PTPRS: variants seen among roughly 807,000 people sequenced by gnomAD.
PTPRS encodes the protein receptor-type tyrosine-protein phosphatase S.
In PTPRS, 63 loss-of-function variants were observed where a neutral mutation model predicts 215.3. That is an observed-to-expected ratio of 0.29 (90% CI 0.24 to 0.36). PTPRS has a LOEUF of 0.36. Among genes scored for constraint, PTPRS ranks in the 10% least tolerant of loss-of-function variants. The pLI is 1.00. For missense variants in PTPRS, 2,258 were observed against 2,825.8 expected (o/e 0.80, Z 4.56); for synonymous variants, 1,404 against 1,191.4 (o/e 1.18, Z -3.68).
At chr19:5,229,436 A>AGGGCCCGTCCCCGCCCG (rs1424705197) in intron 15 of PTPRS, 55 bp downstream of exon 15, 2 of 1,365,284 alleles carry the variant, frequency 1.5e-6, no homozygotes, top group Non-Finnish European at 1.9e-6. Context: ...GGGGAGCGCA[A>AGGGCCCGTCCCCGCCCG]GGGCCCGTCC....
At position 5,225,859 on chromosome 19, in the gene PTPRS, G is replaced by A. The variant is rs930265758; in HGVS notation, c.2377-15C>T. Reference sequence around the variant, plus strand: ...ATGACCATCTCCTGCAGGCACGGCTGGGGGTCAGCACGACGGCTGGGGCTG... The same window carrying A: ...ATGACCATCTCCTGCAGGCACGGCTAGGGGTCAGCACGACGGCTGGGGCTG... On this transcript the variant is annotated splice_polypyrimidine_tract_variant and intron_variant, in intron 16 of 37. Coordinates refer to ENST00000262963, the MANE Select transcript of PTPRS (RefSeq NM_002850.4). The A allele has an allele frequency of 1.2e-6, 2 of 1,607,996 alleles. No individual in the cohort carries two copies. Among genetic ancestry groups the A allele is most frequent in the Non-Finnish European group, 1.7e-6 (2 of 1,174,766 alleles).
intron 9 of PTPRS, 64 bp downstream of exon 9, chr19:5,256,044 G>A: frequency 1.4e-6 from 2 of 1,424,562 alleles, no homozygotes; most frequent in South Asian, 1.2e-5. Flanking sequence ...TTGTGTGTGT[G>A]CGTGTCATTT....
rs772544228 is a variant in PTPRS, at chr19:5,239,067, G to A, written c.1705-4C>T. On this transcript the variant is annotated splice_polypyrimidine_tract_variant and splice_region_variant and intron_variant, in intron 12 of 37. Coordinates refer to ENST00000262963, the MANE Select transcript of PTPRS (RefSeq NM_002850.4). ...TCGGGTCGAAGGTCCTTCCCACCTG[G>A]GGGCAGGGCAGAGAAGGACAGAGAG... The A allele has an allele frequency of 2.8e-5, 45 of 1,611,604 alleles. No homozygotes were observed. Among genetic ancestry groups the A allele is most frequent in the Non-Finnish European group, 3.4e-5 (40 of 1,178,938 alleles).
At chr19:5,325,122 A>G (rs1194305143) in intron 1 of PTPRS, among the ~76,000 whole-genome samples, 1 of 152,094 alleles carries the variant, frequency 6.6e-6, no homozygotes, top group Non-Finnish European at 1.5e-5. Flanking sequence ...TTGATCCCCC[A>G]TTCTTATCTA....
At chr19:5,239,311 G>C (rs2043796083) in intron 12 of PTPRS, among the ~76,000 whole-genome samples, 1 of 151,444 alleles carries the variant, frequency 6.6e-6, no homozygotes, top group African/African-American at 2.4e-5. Flanking sequence ...GAGAGACAGA[G>C]ACGGAGAGAG....
intron 13 of PTPRS, among the ~76,000 whole-genome samples, chr19:5,232,057 A>T (rs985413679): frequency 6.6e-6 from 1 of 152,156 alleles, no homozygotes; most frequent in Non-Finnish European, 1.5e-5. Flanking sequence ...CAAGGGCTTC[A>T]CAAAATAGTA....
intron 26 of PTPRS, among the ~76,000 whole-genome samples, chr19:5,216,210 T>C (rs1302276336): frequency 2.6e-5 from 4 of 152,068 alleles, no homozygotes; most frequent in Admixed American, 1.3e-4. Flanking sequence ...GGCCCTGGCC[T>C]GAGAGCTCTT....
intron 14 of PTPRS, among the ~76,000 whole-genome samples, chr19:5,230,900 G>T (rs945558984): frequency 3.9e-5 from 6 of 152,176 alleles, no homozygotes; most frequent in South Asian, 2.1e-4. Flanking sequence ...GTGAGGACGG[G>T]AACATTTACA....
rs376695892 is a variant in PTPRS at position 5,245,887 on chromosome 19, C to A, written c.877G>T (p.Val293Leu). ...EDLTPEDDMP[V>L]GRNVLELTDV... ...GTGAGTTCCAGCACGTTCCGACCCA[C>A]GGGCATGTCATCCTCGGGGGTCAGG... The change falls in exon 10 of 38, where the codon GTG (valine) becomes TTG (leucine). Residue 293 changes from valine to leucine, a missense_variant. Physicochemically the swap from Val to Leu is conservative, Grantham distance 32. Around this residue, in one of 6 missense-constraint regions of PTPRS, gnomAD observed 508 missense variants for 799.4 expected, o/e 0.64. Coordinates refer to ENST00000262963, the MANE Select transcript of PTPRS (RefSeq NM_002850.4). 6.2e-7 allele frequency: 1 copy of A among 1,614,054 alleles called. No individual in the cohort carries two copies.
In PTPRS at chr19:5,308,717, A is replaced by C. The variant is rs1028459701; in HGVS notation, c.-94-22483T>G. 2.0e-5 allele frequency among the ~76,000 whole-genome samples: 3 copies of C among 152,310 alleles called. No homozygotes were observed. The South Asian group carries it at 6.2e-4, about 32-fold the overall frequency. On this transcript the variant is annotated intron_variant, in intron 1 of 37. Coordinates refer to ENST00000262963, the MANE Select transcript of PTPRS (RefSeq NM_002850.4). ...TGGGGGTAGGGGAACTGTGGGCTCC[A>C]GGCGGGGAGAGAGATTATATATTCA...
At chr19:5,297,153 G>A (rs901549860) in intron 1 of PTPRS, among the ~76,000 whole-genome samples, 3 of 152,138 alleles carry the variant, frequency 2.0e-5, no homozygotes, top group Non-Finnish European at 4.4e-5. Context: ...ACGTTCCATT[G>A]ATATGTCCTC....
chr19:5,224,711 G>A (rs899217773), intron 17 of PTPRS, among the ~76,000 whole-genome samples: 3 of 152,126 alleles, frequency 2.0e-5, no homozygotes, highest in Non-Finnish European at 4.4e-5. Flanking sequence ...CCCTGAGAGA[G>A]GAGGGAAGTG....
chr19:5,209,351 C>G (rs760793426), intron 35 of PTPRS, among the ~76,000 whole-genome samples: 1 of 152,208 alleles, frequency 6.6e-6, no homozygotes, highest in South Asian at 2.1e-4. Context: ...TCACTCTCCA[C>G]CATCCAAGGG....
chr19:5,270,826 G>A (rs1348660182), intron 4 of PTPRS, among the ~76,000 whole-genome samples: 1 of 152,064 alleles, frequency 6.6e-6, no homozygotes, highest in African/African-American at 2.4e-5. Context: ...TGTATTTTTA[G>A]TAGATTTGGG....
At chr19:5,243,864 G>C in intron 11 of PTPRS, 37 bp downstream of exon 11, 1 of 1,438,260 alleles carries the variant, frequency 7.0e-7, no homozygotes, top group Non-Finnish European at 9.1e-7. Flanking sequence ...CAAGCCGCAC[G>C]GCCGGGGCCC....
chr19:5,229,766 G>T, intron 14 of PTPRS, 82 bp from the exon 15 acceptor site: 1 of 874,886 alleles, frequency 1.1e-6, no homozygotes, highest in Non-Finnish European at 1.5e-6. Flanking sequence ...GCCACTGTCC[G>T]ATTCCAGGAT....
chr19:5,240,174 C>T (rs1450041998), intron 12 of PTPRS, 25 bp downstream of exon 12: 2 of 1,505,926 alleles, frequency 1.3e-6, no homozygotes, highest in Admixed American at 2.1e-5. Flanking sequence ...CCAGGGCAGG[C>T]CAGCCCGTCC....
At chr19:5,221,649 G>A (rs543941758) in intron 19 of PTPRS, among the ~76,000 whole-genome samples, 1 of 152,178 alleles carries the variant, frequency 6.6e-6, no homozygotes, top group South Asian at 2.1e-4. Context: ...ATCCTAGACT[G>A]ATTCCTGATC....
intron 1 of PTPRS, among the ~76,000 whole-genome samples, chr19:5,313,722 C>G (rs1349317031): frequency 1.3e-5 from 2 of 152,096 alleles, no homozygotes; most frequent in Non-Finnish European, 2.9e-5. Context: ...CCCTGGAGAG[C>G]CTTTTCTCCT....
Sources: allele counts gnomAD v4.1 joint callset (sites outside exome capture counted in the v4.1 genomes callset), GRCh38; gene constraint gnomAD v4.1.1; regional missense constraint gnomAD v4.1.1; transcripts MANE v1.5; gene names NCBI Gene and HGNC (gene_info 2026-07-23, HGNC 2026-07-21).